Variants in PGM1 observed in about 807,000 individuals in gnomAD.
PGM1 encodes the protein phosphoglucomutase-1.
Under a neutral mutation model 55.6 loss-of-function variants are expected in PGM1, and 52 were observed. The ratio of observed to expected loss-of-function variants is 0.94; its 90% CI spans 0.75 to 1.18. The LOEUF (loss-of-function observed/expected upper bound fraction) is 1.18, where lower values mean the gene tolerates loss of function less well. Among genes scored for constraint, PGM1 ranks in the 50% most tolerant of loss-of-function variants. The probability of loss-of-function intolerance (pLI) is 0.00; values close to 1 mark genes in which losing one functional copy is unlikely to be tolerated. For missense variants in PGM1, 724 were observed against 729.3 expected, an observed-to-expected ratio of 0.99 and a Z score of 0.08; for synonymous variants, 287 against 271.7, an observed-to-expected ratio of 1.06 and a Z score of -0.55.
chr1:63,629,364 T>C, intron 1 of PGM1, 61 bp from the exon 2 acceptor site: 2 of 1,416,984 alleles, frequency 1.4e-6, no homozygotes, highest in South Asian at 1.1e-5. Context: ...TGGTGTTGTT[T>C]CTGAGCGGTG....
At chr1:63,593,812 C>G in intron 1 of PGM1, 78 bp downstream of exon 1, 1 of 1,344,804 alleles carries the variant, frequency 7.4e-7, no homozygotes, top group East Asian at 3.1e-5. Context: ...CTCCCTCGCT[C>G]GGGGCCGGCC....
At chr1:63,602,298 A>G (rs1205952211) in intron 1 of PGM1, among the ~76,000 whole-genome samples, 2 of 152,212 alleles carry the variant, frequency 1.3e-5, no homozygotes, top group Non-Finnish European at 1.5e-5. Context: ...GGAAATACCA[A>G]TCTATACCAT....
Position 63,643,131 on chromosome 1 carries a change from G to T in PGM1, c.1144+4331G>T, listed in dbSNP as rs367689643. On this transcript the variant is annotated intron_variant, in intron 7 of 10. Coordinates refer to ENST00000371084, the MANE Select transcript of PGM1 (RefSeq NM_002633.3). ...TAGCTACTGAGTACATTTCCCTGTAGGCAAAGCCCACAGGGGAAGATTGTA... is the reference window on the plus strand; with the variant it reads ...TAGCTACTGAGTACATTTCCCTGTATGCAAAGCCCACAGGGGAAGATTGTA... Among the ~76,000 whole-genome samples, 12 of 152,296 alleles carry T rather than the reference G, an allele frequency of 7.9e-5. 3 individuals are homozygous for T. Among genetic ancestry groups the T allele is most frequent in the East Asian group, 1.9e-4 (1 of 5,170 alleles).
chr1:63,630,644 G>T (rs1649170400), intron 3 of PGM1, among the ~76,000 whole-genome samples: 1 of 152,102 alleles, frequency 6.6e-6, no homozygotes, highest in African/African-American at 2.4e-5. Flanking sequence ...AGACTATTTT[G>T]GGGGGACCAA....
intron 7 of PGM1, among the ~76,000 whole-genome samples, chr1:63,640,939 T>C (rs928983635): frequency 5.9e-5 from 9 of 152,216 alleles, no homozygotes; most frequent in African/African-American, 2.2e-4. Flanking sequence ...GGATGATTAT[T>C]TCTAGTGATT....
At chr1:63,637,793 A>G (rs1321425630) in intron 6 of PGM1, among the ~76,000 whole-genome samples, 1 of 152,216 alleles carries the variant, frequency 6.6e-6, no homozygotes, top group Non-Finnish European at 1.5e-5. Flanking sequence ...GATAATCCAC[A>G]TATAGAATCA....
At chr1:63,637,573 G>A (rs56396625) in intron 6 of PGM1, among the ~76,000 whole-genome samples, 5,934 of 152,238 alleles carry the variant, frequency 0.039, 291 homozygotes, top group African/African-American at 0.12. Flanking sequence ...TAAGGAAGAG[G>A]AAATGGAAAG....
chr1:63,636,821 C>G (rs1451242225), intron 6 of PGM1, among the ~76,000 whole-genome samples: 2 of 152,200 alleles, frequency 1.3e-5, no homozygotes, highest in Non-Finnish European at 2.9e-5. Context: ...TGGAAGTACT[C>G]AAGACATCAT....
At chr1:63,604,941 G>GTA (rs1557703359) in intron 1 of PGM1, among the ~76,000 whole-genome samples, 3 of 145,072 alleles carry the variant, frequency 2.1e-5, no homozygotes, top group Non-Finnish European at 4.5e-5. Context: ...GTGTGTGTGT[G>GTA]TGTGTGTGTG....
At chr1:63,602,976 A>G (rs1254622758) in intron 1 of PGM1, among the ~76,000 whole-genome samples, 2 of 152,194 alleles carry the variant, frequency 1.3e-5, no homozygotes, top group African/African-American at 4.8e-5. Context: ...CAGAGGGAGT[A>G]GGGAAGTGAC....
chr1:63,642,603 C>T (rs978950067), intron 7 of PGM1, among the ~76,000 whole-genome samples: 1 of 152,180 alleles, frequency 6.6e-6, no homozygotes, highest in African/African-American at 2.4e-5. Context: ...CATTTGAACC[C>T]TTCCTCAGGA....
intron 1 of PGM1, among the ~76,000 whole-genome samples, chr1:63,605,712 C>G (rs996076849): frequency 6.6e-6 from 1 of 152,116 alleles, no homozygotes; most frequent in Admixed American, 6.5e-5. Context: ...CCTGGGACTA[C>G]AGGCATGCAC....
intron 7 of PGM1, among the ~76,000 whole-genome samples, chr1:63,647,170 G>A (rs1354821314): frequency 6.6e-6 from 1 of 150,848 alleles, no homozygotes; most frequent in Admixed American, 6.6e-5. Context: ...TTGAGCCTGG[G>A]GGGCAGAGGT....
intron 4 of PGM1, among the ~76,000 whole-genome samples, chr1:63,633,894 G>A (rs1570498206): frequency 4.3e-5 from 2 of 46,842 alleles, no homozygotes; most frequent in African/African-American, 2.3e-4. Flanking sequence ...GTGTGTGTGT[G>A]TGTGTGTGTG....
chr1:63,603,489 C>T (rs541913270), intron 1 of PGM1, among the ~76,000 whole-genome samples: 1 of 152,332 alleles, frequency 6.6e-6, no homozygotes, highest in South Asian at 2.1e-4. Flanking sequence ...GCAAAATCCA[C>T]CTCGAGGCAC....
At chr1:63,632,991 C>T (rs1237082262) in intron 4 of PGM1, among the ~76,000 whole-genome samples, 2 of 152,162 alleles carry the variant, frequency 1.3e-5, no homozygotes, top group Non-Finnish European at 2.9e-5. Context: ...CCACTGCCCC[C>T]CAGCCTGGGC....
intron 1 of PGM1, among the ~76,000 whole-genome samples, chr1:63,612,257 CAA>C (rs5774657): frequency 4.1e-5 from 6 of 146,454 alleles, no homozygotes; most frequent in East Asian, 2.1e-4. Flanking sequence ...AACTCTGTCT[CAA>C]AAAAAAAAAG....
In PGM1 at chr1:63,631,769, T is replaced by C. The variant is rs373784453; in HGVS notation, c.669T>C (p.Asp223=). 9.9e-6 allele frequency: 16 copies of C among 1,613,748 alleles called. No homozygotes were observed. Among genetic ancestry groups the C allele is most frequent in the Middle Eastern group, 3.3e-4 (2 of 6,076 alleles). ...CAAACCGACTGAAGATCCGTATTGA[T>C]GCTATGCATGGAGGTATACAATCAT... ...SGPNRLKIRI[D]AMHGVVGPYV... The change falls in exon 4 of 11, where the codon GAT becomes GAC. Residue 223 remains aspartate, a synonymous_variant. Coordinates refer to ENST00000371084, the MANE Select transcript of PGM1 (RefSeq NM_002633.3).
intron 4 of PGM1, 22 bp from the exon 5 acceptor site, chr1:63,634,807 A>G (rs6588052): frequency 1.2e-6 from 2 of 1,601,314 alleles, no homozygotes; most frequent in Admixed American, 1.7e-5. Context: ...TTCTGCATAC[A>G]TTTATTCCAT....
Sources: gnomAD v4.1 joint callset for allele counts (sites outside exome capture counted in the v4.1 genomes callset) on GRCh38, gnomAD v4.1.1 for gene constraint, MANE v1.5 for transcripts, NCBI Gene and HGNC (gene_info 2026-07-23, HGNC 2026-07-21) for gene names.